Variants in ZNF544 observed in about 807,000 individuals in gnomAD.
ZNF544 encodes the protein zinc finger protein AF020591.
In ZNF544, 10 loss-of-function variants were observed where a neutral mutation model predicts 13.5. That is an observed-to-expected ratio of 0.74 (90% CI 0.46 to 1.25). The LOEUF (loss-of-function observed/expected upper bound fraction) is 1.25, where lower values mean the gene tolerates loss of function less well. Among genes scored for constraint, ZNF544 ranks in the 50% most tolerant of loss-of-function variants. The probability of loss-of-function intolerance (pLI) is 0.00; values close to 1 mark genes in which losing one functional copy is unlikely to be tolerated. For missense variants in ZNF544, 896 were observed against 845.6 expected (o/e 1.06, Z -0.74); for synonymous variants, 323 against 300.5 (o/e 1.07, Z -0.77).
chr19:58,260,782 C>T, intron 6 of ZNF544, 69 bp from the exon 7 acceptor site: 1 of 1,415,618 alleles, frequency 7.1e-7, no homozygotes, highest in Non-Finnish European at 9.4e-7. Flanking sequence ...CAGTTGTCTC[C>T]TTCATCTCCC....
At chr19:58,244,162 T>C (rs979340993) in intron 4 of ZNF544, 106 bp downstream of exon 4, 8 of 871,326 alleles carry the variant, frequency 9.2e-6, no homozygotes, top group Non-Finnish European at 1.4e-5. Flanking sequence ...CGCTCCGCAG[T>C]GCTGGCCAGT....
intron 4 of ZNF544, chr19:58,245,899 A>C: frequency 3.1e-6 from 1 of 319,732 alleles, no homozygotes; most frequent in Non-Finnish European, 6.1e-6. Context: ...AATGGTACAG[A>C]CCACATACAT....
In ZNF544 at chr19:58,261,726, C is replaced by T. The variant is rs2048994226; in HGVS notation, c.1120C>T (p.His374Tyr). Reference sequence around the variant, plus strand: ...TTGTAAGCTCATACACCAGAGAACACACACTGGAGAAAAGCCCTTCGAATG... The same window carrying T: ...TTGTAAGCTCATACACCAGAGAACATACACTGGAGAAAAGCCCTTCGAATG... ...SCCKLIHQRT[H>Y]TGEKPFECTQ... is the part of the protein sequence containing the mutation. The change falls in exon 7 of 7, where the codon CAC becomes TAC. Residue 374 changes from histidine (H) to tyrosine (Y), a missense_variant. Transcript: ENST00000687789. 1 of 1,614,130 alleles carries T rather than the reference C, an allele frequency of 6.2e-7. No individual in the cohort carries two copies. The highest frequency in any genetic ancestry group is 1.1e-5 in the South Asian group (1 of 91,094).
intron 6 of ZNF544, among the ~76,000 whole-genome samples, chr19:58,248,617 T>C (rs571820893): frequency 3.9e-5 from 6 of 152,158 alleles, no homozygotes; most frequent in African/African-American, 1.2e-4. Context: ...TCAGACAGAG[T>C]AGTTCCACTA....
chr19:58,231,592 GT>G (rs1326700659), intron 3 of ZNF544, among the ~76,000 whole-genome samples: 2 of 152,064 alleles, frequency 1.3e-5, no homozygotes, highest in East Asian at 3.8e-4. Flanking sequence ...TATAAATGGG[GT>G]CTCACATGTT....
At chr19:58,276,378 T>C in exon 6 of ZNF544, 1 of 1,231,616 alleles carries the variant, frequency 8.1e-7, no homozygotes, top group Non-Finnish European at 1.0e-6. Flanking sequence ...ACAGATTTAG[T>C]CTCCTGGAAG....
intron 6 of ZNF544, among the ~76,000 whole-genome samples, chr19:58,255,918 G>A (rs1336104614): frequency 2.6e-5 from 4 of 152,192 alleles, no homozygotes; most frequent in Non-Finnish European, 5.9e-5. Context: ...CAGTTACCAA[G>A]GAACTAGTAG....
chr19:58,266,497 A>T (rs1293846908), downstream of ZNF544: 1 of 143,462 alleles, frequency 7.0e-6, no homozygotes, highest in Non-Finnish European at 1.5e-5. Context: ...CCTGGGCGAC[A>T]GAGTGAGACT....
chr19:58,271,325 G>C (rs2050614053), intron 5 of ZNF544, among the ~76,000 whole-genome samples: 1 of 151,910 alleles, frequency 6.6e-6, no homozygotes, highest in Non-Finnish European at 1.5e-5. Context: ...GGGTGCAGTG[G>C]ATATGGTGGT....
intron 3 of ZNF544, 57 bp downstream of exon 3, chr19:58,230,519 C>A (rs993780020): frequency 6.6e-6 from 1 of 152,316 alleles, no homozygotes; most frequent in Non-Finnish European, 1.5e-5. Context: ...CAGCCGTTGC[C>A]CTTGGATGCC....
chr19:58,244,980 G>A (rs550569276), intron 4 of ZNF544, among the ~76,000 whole-genome samples: 32 of 142,120 alleles, frequency 2.3e-4, no homozygotes, highest in Admixed American at 1.5e-3. Flanking sequence ...ACGGAGTCTC[G>A]CTCTGTTGCC....
At chr19:58,236,358 G>A (rs542267613) in intron 3 of ZNF544, among the ~76,000 whole-genome samples, 1 of 151,182 alleles carries the variant, frequency 6.6e-6, no homozygotes, top group East Asian at 2.0e-4. Context: ...AATTAGCCAG[G>A]GTGGTGGCGC....
chr19:58,271,334 G>A (rs1452510601), intron 5 of ZNF544, among the ~76,000 whole-genome samples: 1 of 152,032 alleles, frequency 6.6e-6, no homozygotes, highest in Non-Finnish European at 1.5e-5. Context: ...GGATATGGTG[G>A]TGCACACCTG....
rs148600919 is a variant in ZNF544 at position 58,255,472 on chromosome 19, C to T, written c.245-5379C>T. On this transcript the variant is annotated intron_variant, in intron 6 of 6. Transcript: ENST00000687789. ...GAGATTACAGGTGTGAGCCACTGCACCTGGCTGGGGTTGAGAATTTCTGTG... is the reference window on the plus strand; with the variant it reads ...GAGATTACAGGTGTGAGCCACTGCATCTGGCTGGGGTTGAGAATTTCTGTG... 3.2e-3 allele frequency among the ~76,000 whole-genome samples: 486 copies of T among 152,306 alleles called. 6 individuals carry two copies. The highest frequency in any genetic ancestry group is 0.011 in the African/African-American group (464 of 41,562).
In ZNF544 at chr19:58,262,517, C is replaced by T. The variant is rs932575954; in HGVS notation, c.1911C>T (p.Cys637=). Reference sequence around the variant, plus strand: ...AGAAGCCGTACAAATGCAATCAGTGCAATAAAGCCTTTGCAAGGAGCTCCT... The same window carrying T: ...AGAAGCCGTACAAATGCAATCAGTGTAATAAAGCCTTTGCAAGGAGCTCCT... The part of the protein sequence containing the change: ...TGEKPYKCNQ[C]NKAFARSSYL... Residue 637 remains cysteine (C), a synonymous_variant, in exon 7 of 7, where the codon TGC becomes TGT. Coordinates refer to ENST00000687789, the MANE Select transcript of ZNF544 (RefSeq NM_014480.4). The T allele has an allele frequency of 2.2e-5, 36 of 1,614,034 alleles. No individual in the cohort carries two copies. Among genetic ancestry groups the T allele is most frequent in the Non-Finnish European group, 3.0e-5 (35 of 1,180,038 alleles).
chr19:58,236,178 TG>T (rs946795420), intron 3 of ZNF544, among the ~76,000 whole-genome samples: 2 of 152,128 alleles, frequency 1.3e-5, no homozygotes, highest in African/African-American at 4.8e-5. Context: ...GAGACCAGCC[TG>T]GGCAACATGA....
Position 58,261,068 on chromosome 19 carries a change from G to C in ZNF544, c.462G>C (p.Arg154Ser). ...CCTCAGAGAGACTGTTTGCTCAAAG[G>C]GAACATTGTGAGCTTGAACTTGGGG... is the stretch of plus-strand genomic sequence containing the variant. Reference protein sequence around the residue: ...VLTSERLFAQREHCELELGGG... With the variant: ...VLTSERLFAQSEHCELELGGG... The change falls in exon 7 of 7, where the codon AGG becomes AGC. Residue 154 changes from arginine (R) to serine (S), a missense_variant. Coordinates refer to ENST00000687789, the MANE Select transcript of ZNF544 (RefSeq NM_014480.4). 6.2e-7 allele frequency: 1 copy of C among 1,614,118 alleles called. No homozygotes were observed. Among genetic ancestry groups the C allele is most frequent in the Non-Finnish European group, 8.5e-7 (1 of 1,180,014 alleles).
rs758463217 is a variant in ZNF544 at position 58,260,898 on chromosome 19, C to A, written c.292C>A (p.Arg98=). The change falls in exon 7 of 7, where the codon CGA becomes AGA. Residue 98 remains arginine (R), a synonymous_variant. Coordinates refer to ENST00000687789, the MANE Select transcript of ZNF544 (RefSeq NM_014480.4). ...GAATAGGTTGAATTCTGAAAAAGATCGAGCTAGGGAAGAACTATCCCACCA... is the reference window on the plus strand; with the variant it reads ...GAATAGGTTGAATTCTGAAAAAGATAGAGCTAGGGAAGAACTATCCCACCA... ...EENRLNSEKD[R]AREELSHHVE... The A allele has an allele frequency of 6.2e-7, 1 of 1,610,478 alleles. No homozygotes were observed. The highest frequency in any genetic ancestry group is 1.3e-5 in the African/African-American group (1 of 74,680).
intron 6 of ZNF544, among the ~76,000 whole-genome samples, chr19:58,247,064 G>T (rs1555759866): frequency 6.6e-6 from 1 of 151,220 alleles, no homozygotes; most frequent in Admixed American, 6.6e-5. Context: ...TACTTGATTT[G>T]TTTTTTTTTA....
Sources: allele counts gnomAD v4.1 joint callset (sites outside exome capture counted in the v4.1 genomes callset), GRCh38; gene constraint gnomAD v4.1.1; transcripts MANE v1.5; gene names NCBI Gene and HGNC (gene_info 2026-07-23, HGNC 2026-07-21).